Variants in OGG1 observed in about 807,000 individuals in gnomAD.
OGG1 encodes N-glycosylase/DNA lyase.
A neutral mutation model predicts 42.3 loss-of-function variants in OGG1; 35 were observed. The observed-to-expected ratio is 0.83, with a 90% CI of 0.63 to 1.10. OGG1 has a LOEUF of 1.10. OGG1 is among the 50% of genes least tolerant of loss of function. The pLI, the probability that OGG1 is intolerant of heterozygous loss-of-function variation, is 0.00. For missense variants in OGG1, 484 were observed against 446.7 expected (o/e 1.08, Z -0.75); for synonymous variants, 189 against 179.0 (o/e 1.06, Z -0.44).
chr3:9,780,518 G>T, intron 2 of OGG1: 1 of 1,605,562 alleles, frequency 6.2e-7, no homozygotes. Context: ...CGCTGCCTCA[G>T]CTCCTGCCGG....
chr3:9,783,260 T>C (rs1418360729), intron 3 of OGG1: 2 of 151,466 alleles, frequency 1.3e-5, no homozygotes, highest in East Asian at 1.9e-4. Flanking sequence ...CACACAACAA[T>C]GTGAATATGG....
intron 3 of OGG1, chr3:9,785,568 CA>C: frequency 1.7e-6 from 1 of 595,332 alleles, no homozygotes; most frequent in South Asian, 2.2e-5. Flanking sequence ...CTTCCCATAC[CA>C]ATCCCAAATT....
intron 3 of OGG1, among the ~76,000 whole-genome samples, chr3:9,753,470 G>C (rs570730692): frequency 1.3e-5 from 2 of 152,008 alleles, no homozygotes; most frequent in Admixed American, 6.6e-5. Context: ...GCCTAATACG[G>C]TGAAACCCCG....
At chr3:9,788,712 GTAT>G, downstream of OGG1, among the ~76,000 whole-genome samples, 1 of 151,088 alleles carries the variant, frequency 6.6e-6, no homozygotes, top group Non-Finnish European at 1.5e-5. Context: ...GCTAATTTTT[GTAT>G]TTTTAGTAGA....
exon 8 of OGG1, chr3:9,765,846 T>A (rs1435261400): frequency 1.9e-6 from 3 of 1,613,916 alleles, no homozygotes; most frequent in Non-Finnish European, 2.5e-6. Flanking sequence ...CACCAGCTTC[T>A]GCGTCCTCTT....
chr3:9,750,000 C>T lies in OGG1; in HGVS notation c.-287C>T, dbSNP rs1305747828. On this transcript the variant is annotated 5_prime_UTR_variant, in exon 1 of 7. Transcript: ENST00000344629. The stretch of plus-strand genomic sequence containing the variant: ...GAGAACCCAGAAGAACACAGCTGTG[C>T]GCGCCCACAGGCTCTGGGGGCGGGA... 8.2e-6 allele frequency: 4 copies of T among 485,142 alleles called. No individual in the cohort carries two copies. Among genetic ancestry groups the T allele is most frequent in the Non-Finnish European group, 1.5e-5 (4 of 268,612 alleles). 30.1% of individuals were successfully genotyped at this position (485,142 alleles called of 1,614,324 possible). A position where few individuals can be genotyped will look rare whatever the true frequency, so the allele number is the denominator to read the frequency against.
At chr3:9,762,662 G>A (rs1275221351) in intron 7 of OGG1, among the ~76,000 whole-genome samples, 1 of 152,112 alleles carries the variant, frequency 6.6e-6, no homozygotes, top group African/African-American at 2.4e-5. Flanking sequence ...ATCCTGTCTG[G>A]CCAGATTTTT....
rs534408714 is a variant in OGG1, at chr3:9,757,239, G to T, written c.*89G>T. The T allele has an allele frequency of 6.2e-7, 1 of 1,613,966 alleles. No individual in the cohort carries two copies. Among genetic ancestry groups the T allele is most frequent in the African/African-American group, 1.3e-5 (1 of 75,046 alleles). Reference sequence around the variant, plus strand: ...CCCATCCCCACCCAGTCTCATGTTGGGGAGGGGCCTCCCTGTGACTACCTC... The same window carrying T: ...CCCATCCCCACCCAGTCTCATGTTGTGGAGGGGCCTCCCTGTGACTACCTC... On this transcript the variant is annotated 3_prime_UTR_variant, in exon 7 of 7. Transcript: ENST00000344629. The surrounding 1 kb of genome is among the most constrained non-coding windows in gnomAD (Gnocchi z 4.5).
intron 3 of OGG1, among the ~76,000 whole-genome samples, chr3:9,786,723 G>A (rs983028500): frequency 2.6e-5 from 4 of 152,204 alleles, no homozygotes; most frequent in Non-Finnish European, 4.4e-5. Flanking sequence ...GGGCATGAGA[G>A]GGGCTTCTAG....
At position 9,778,255 on chromosome 3, in the gene OGG1, C is replaced by T. The variant is rs116568136; in HGVS notation, c.295-3258C>T. On this transcript the variant is annotated intron_variant, in intron 2 of 3. Coordinates refer to the OGG1 transcript ENST00000426518. ...ATCATTGCATGTGTGGGTGTCTTTT[C>T]TCTCTGAGAAGGCTGTGAGCAACCT... is the stretch of plus-strand genomic sequence containing the variant. Among the ~76,000 whole-genome samples, 1,049 of 152,264 alleles carry T rather than the reference C, an allele frequency of 6.9e-3. 14 individuals are homozygous for T. Among genetic ancestry groups the T allele is most frequent in the African/African-American group, 0.024 (1,012 of 41,568 alleles).
exon 8 of OGG1, chr3:9,766,716 TA>T: frequency 1.3e-6 from 1 of 773,220 alleles, no homozygotes; most frequent in Non-Finnish European, 1.6e-6. Context: ...TCTGGGAGAA[TA>T]AGAAGTCATA....
At chr3:9,772,062 C>T (rs1271100886) in intron 2 of OGG1, among the ~76,000 whole-genome samples, 1 of 152,162 alleles carries the variant, frequency 6.6e-6, no homozygotes, top group African/African-American at 2.4e-5. Flanking sequence ...AGGTGATCCA[C>T]CTGCCTCAGC....
At chr3:9,767,573 G>A, downstream of OGG1, 2 of 1,528,506 alleles carry the variant, frequency 1.3e-6, no homozygotes, top group Non-Finnish European at 1.8e-6. Context: ...GGCCTGGGCT[G>A]TGGGAAACAG....
intron 3 of OGG1, chr3:9,781,618 T>G (rs6443264): frequency 0.25 from 114,820 of 454,826 alleles, 15,787 homozygotes; most frequent in East Asian, 0.57. Flanking sequence ...AGACACCAGA[T>G]CAATCTCTCT....
At chr3:9,777,814 C>T (rs533347939) in intron 2 of OGG1, among the ~76,000 whole-genome samples, 1 of 152,296 alleles carries the variant, frequency 6.6e-6, no homozygotes, top group Non-Finnish European at 1.5e-5. Context: ...ACAACGCCCA[C>T]CATACTTATG....
chr3:9,759,593 G>C (rs761538555), downstream of OGG1: 1 of 1,614,140 alleles, frequency 6.2e-7, no homozygotes, highest in Non-Finnish European at 8.5e-7. Flanking sequence ...GGGGTTATGT[G>C]GTGGGTTGCC....
chr3:9,750,717 A>AC (rs3219000), intron 1 of OGG1: 18,022 of 692,842 alleles, frequency 0.026, 798 homozygotes, highest in Admixed American at 0.15. Flanking sequence ...TCCAGCCTCG[A>AC]CCCCCCGGGC....
At chr3:9,760,480 C>A (rs1035142032), downstream of OGG1, 2 of 588,012 alleles carry the variant, frequency 3.4e-6, no homozygotes, top group African/African-American at 3.8e-5. Context: ...GGGAGCCAAG[C>A]AGAAGGAAGT....
At chr3:9,757,974 C>A, downstream of OGG1, 1 of 1,436,452 alleles carries the variant, frequency 7.0e-7, no homozygotes, top group Non-Finnish European at 9.2e-7. This position sits in a 1 kb window ranked among gnomAD's most constrained non-coding sequence, Gnocchi z 4.5. Context: ...TTTATTAATT[C>A]CCCTAAAGCC....
Sources: gnomAD v4.1 joint callset for allele counts (sites outside exome capture counted in the v4.1 genomes callset) on GRCh38, gnomAD v4.1.1 for gene constraint, Gnocchi (gnomAD v3.1) non-coding constraint, MANE v1.5 for transcripts, NCBI Gene and HGNC (gene_info 2026-07-23, HGNC 2026-07-21) for gene names.